SPG7: variants seen among roughly 807,000 people sequenced by gnomAD.
SPG7 encodes mitochondrial inner membrane m-AAA protease component paraplegin.
A neutral mutation model predicts 81.9 loss-of-function variants in SPG7; 103 were observed. That is an observed-to-expected ratio of 1.26 (90% CI 1.07 to 1.48). The LOEUF is 1.48. SPG7 is among the 40% of genes most tolerant of loss of function. The pLI is 0.00. For synonymous variants in SPG7, 534 were observed against 444.2 expected, an observed-to-expected ratio of 1.20 and a Z score of -2.54; for missense variants, 1,241 against 1,087.3, an observed-to-expected ratio of 1.14 and a Z score of -1.99.
intron 5 of SPG7, among the ~76,000 whole-genome samples, chr16:89,528,289 G>A (rs1342399821): frequency 6.6e-6 from 1 of 151,962 alleles, no homozygotes; most frequent in Admixed American, 6.6e-5. Context: ...CTACTCGGGA[G>A]GCTGAGGCAG....
chr16:89,513,109 A>G (rs934992767), intron 3 of SPG7, 72 bp downstream of exon 3: 3 of 1,539,916 alleles, frequency 1.9e-6, no homozygotes, highest in African/African-American at 2.7e-5. Context: ...TCCTTTTAGC[A>G]AGGTGAAACC....
chr16:89,541,872 A>C (rs908419624), intron 9 of SPG7: 2 of 151,412 alleles, frequency 1.3e-5, no homozygotes, highest in Non-Finnish European at 2.9e-5. Context: ...TCCTGAAACC[A>C]CATGTCCCTG....
intron 10 of SPG7, chr16:89,546,372 G>T (rs2058563364): frequency 2.5e-6 from 1 of 398,698 alleles, no homozygotes; most frequent in Non-Finnish European, 4.8e-6. Context: ...ACAGTGTTCT[G>T]TTCGTGTTTA....
In SPG7 at chr16:89,508,610, C is replaced by T. The variant is rs1442908011; in HGVS notation, c.183+10C>T. On this transcript the variant is annotated intron_variant, in intron 1 of 16. Transcript: ENST00000645818. ...AGGCCGAGCTCTGCAGGTAAATCCC[C>T]GCGGAGTCCGGGCCCCACCTCCCGC... is the stretch of plus-strand genomic sequence containing the variant. The T allele has an allele frequency of 4.8e-6, 7 of 1,450,990 alleles. No homozygotes were observed. Among genetic ancestry groups the T allele is most frequent in the Admixed American group, 2.6e-5 (1 of 38,676 alleles). 89.9% of individuals were successfully genotyped at this position (1,450,990 alleles called of 1,614,324 possible).
Position 89,508,561 on chromosome 16 carries a change from T to G in SPG7, c.144T>G (p.Pro48=), listed in dbSNP as rs1286342932. Residue 48 remains proline (P), a synonymous_variant, in exon 1 of 17, where the codon CCT becomes CCG. Transcript: ENST00000645818. ...GRGRPYMASR[P]PGDLAEAGGR... ...GGCGGCCGTACATGGCCAGCAGGCC[T>G]CCGGGGGACCTCGCCGAGGCTGGAG... is the stretch of plus-strand genomic sequence containing the variant. 5.3e-6 allele frequency: 8 copies of G among 1,496,846 alleles called. No individual in the cohort carries two copies. In the East Asian group the frequency reaches 2.1e-4, roughly 40 times the overall value. 92.7% of individuals were successfully genotyped at this position (1,496,846 alleles called of 1,614,324 possible). A position where few individuals can be genotyped will look rare whatever the true frequency, so the allele number is the denominator to read the frequency against.
chr16:89,530,570 C>G (rs879397804), intron 6 of SPG7, 113 bp from the exon 7 acceptor site: 21 of 1,214,318 alleles, frequency 1.7e-5, no homozygotes, highest in Non-Finnish European at 2.2e-5. Flanking sequence ...CCTTGGGATC[C>G]TAGGATGGAG....
chr16:89,517,220 T>TG (rs11412359), intron 3 of SPG7: 66,110 of 148,448 alleles, frequency 0.45, 15,317 homozygotes, highest in East Asian at 0.67. Flanking sequence ...CAGGGACGTG[T>TG]GCCCCACTAA....
At chr16:89,527,808 A>G (rs910405263) in intron 5 of SPG7, among the ~76,000 whole-genome samples, 2 of 151,938 alleles carry the variant, frequency 1.3e-5, no homozygotes, top group African/African-American at 2.4e-5. Context: ...ATCAAAATGT[A>G]CCTCTAGCCG....
chr16:89,541,226 A>G, intron 9 of SPG7: 1 of 984,492 alleles, frequency 1.0e-6, no homozygotes, highest in East Asian at 1.1e-4. Context: ...AAACTGGTGT[A>G]TCCTTATCAC....
intron 9 of SPG7, chr16:89,543,020 TC>T (rs1249092725): frequency 7.2e-6 from 1 of 138,044 alleles, no homozygotes; most frequent in Non-Finnish European, 1.5e-5. Flanking sequence ...TGATCTCGGC[TC>T]CCTGCAAGCT....
chr16:89,550,034 G>T (rs969670857), intron 12 of SPG7: 2 of 253,108 alleles, frequency 7.9e-6, no homozygotes, highest in South Asian at 4.6e-5. Context: ...GAAGAGTGTC[G>T]TTTTGAGTTG....
rs941282938 is a variant in SPG7, at chr16:89,529,569, T to C, written c.851T>C (p.Phe284Ser). The C allele has an allele frequency of 4.3e-6, 7 of 1,612,124 alleles. No homozygotes were observed. The Admixed American group carries it at 5.0e-5, about 12-fold the overall frequency. Residue 284 changes from phenylalanine to serine, a missense_variant, in exon 6 of 17, where the codon TTC (phenylalanine) becomes TCC (serine). Coordinates refer to ENST00000645818, the MANE Select transcript of SPG7 (RefSeq NM_003119.4). ...LAGMTGREGG[F>S]SAFNQLKMAR... ...GGGATGACTGGAAGGGAAGGTGGAT[T>C]CAGTGCTTTTGTAAGTTCTGTAAAT...
chr16:89,529,104 G>T lies in SPG7; in HGVS notation c.759-373G>T, dbSNP rs560409719. The T allele has an allele frequency of 6.7e-5, 23 of 342,334 alleles. No homozygotes were observed. The Admixed American group carries it at 9.0e-4, about 13-fold the overall frequency. 21.2% of individuals were successfully genotyped at this position (342,334 alleles called of 1,614,324 possible). A position where few individuals can be genotyped will look rare whatever the true frequency, so the allele number is the denominator to read the frequency against. ...TAGGATTACAGGCGTGAGCCACCGCGCCCGGCCTGAGATTTGCTTTTTACT... is the reference window on the plus strand; with the variant it reads ...TAGGATTACAGGCGTGAGCCACCGCTCCCGGCCTGAGATTTGCTTTTTACT... On this transcript the variant is annotated intron_variant, in intron 5 of 16. Transcript: ENST00000645818.
intron 3 of SPG7, among the ~76,000 whole-genome samples, chr16:89,515,715 A>AT (rs1172192561): frequency 1.2e-3 from 177 of 146,368 alleles, no homozygotes; most frequent in Middle Eastern, 0.011. Flanking sequence ...TATTATTATT[A>AT]TTTTTTTTTT....
chr16:89,548,796 A>G, intron 12 of SPG7: 1 of 383,102 alleles, frequency 2.6e-6, no homozygotes, highest in Middle Eastern at 9.3e-4. Context: ...GTGATCAGTC[A>G]TCTCATGGAA....
Position 89,531,917 on chromosome 16 carries a change from T to C in SPG7, c.1001T>C (p.Phe334Ser). The C allele has an allele frequency of 1.2e-5, 20 of 1,614,082 alleles. No homozygotes were observed. Among genetic ancestry groups the C allele is most frequent in the Non-Finnish European group, 1.7e-5 (20 of 1,179,954 alleles). The change falls in exon 8 of 17, where the codon TTC becomes TCC. Residue 334 changes from phenylalanine (F) to serine (S), a missense_variant. Physicochemically the swap from Phe to Ser is radical, Grantham distance 155. Coordinates refer to ENST00000645818, the MANE Select transcript of SPG7 (RefSeq NM_003119.4). ...GCTGCCGTCCAGAGCCCAGAACGCT[T>C]CCTCCAGCTTGGCGCCAAGGTCCCA... ...FVDYLKSPERFLQLGAKVPKG... is the reference protein window; with the variant it reads ...FVDYLKSPERSLQLGAKVPKG...
At chr16:89,551,579 A>G (rs1597662703) in intron 13 of SPG7, 1 of 152,228 alleles carries the variant, frequency 6.6e-6, no homozygotes, top group African/African-American at 2.4e-5. Context: ...GGGACACTAA[A>G]AAACTCAGCA....
At chr16:89,510,989 C>A (rs865893555) in intron 2 of SPG7, among the ~76,000 whole-genome samples, 1 of 152,148 alleles carries the variant, frequency 6.6e-6, no homozygotes, top group African/African-American at 2.4e-5. Context: ...CACACCAAAG[C>A]GCCTAGCTAA....
chr16:89,547,080 G>C (rs531105844), intron 11 of SPG7: 1 of 372,772 alleles, frequency 2.7e-6, no homozygotes, highest in South Asian at 2.3e-5. Flanking sequence ...CCCAGAGTCA[G>C]ACCACGCAGT....
Sources: gnomAD v4.1 joint callset for allele counts (sites outside exome capture counted in the v4.1 genomes callset) on GRCh38, gnomAD v4.1.1 for gene constraint, MANE v1.5 for transcripts, NCBI Gene and HGNC (gene_info 2026-07-23, HGNC 2026-07-21) for gene names.